The following MXI1 variants were observed in gnomAD, a reference collection of about 807,000 sequenced individuals.
MXI1 encodes max-interacting protein 1.
MXI1 carries 18 observed loss-of-function variants against 36.9 expected under a neutral mutation model. The ratio of observed to expected loss-of-function variants is 0.49; its 90% CI spans 0.34 to 0.72. The LOEUF (loss-of-function observed/expected upper bound fraction) is 0.72, where lower values mean the gene tolerates loss of function less well. Ranked by LOEUF, MXI1 falls within the 30% of genes least tolerant of loss-of-function variation. The probability of loss-of-function intolerance (pLI) is 0.01; values close to 1 mark genes in which losing one functional copy is unlikely to be tolerated. For missense variants in MXI1, 304 were observed against 379.1 expected (o/e 0.80, Z 1.64); for synonymous variants, 160 against 146.7 (o/e 1.09, Z -0.65).
rs58267076 is a variant in MXI1, at chr10:110,256,602, CAAAAAAAAAAA to C, written c.437+11762_437+11772del. Among the ~76,000 whole-genome samples, 5 of 48,848 alleles carry C rather than the reference CAAAAAAAAAAA, an allele frequency of 1.0e-4. No homozygotes were observed. In the East Asian group the frequency reaches 1.7e-3, roughly 16 times the overall value. 32.0% of individuals were successfully genotyped at this position (48,848 alleles called of 152,430 possible). A position where few individuals can be genotyped will look rare whatever the true frequency, so the allele number is the denominator to read the frequency against. On this transcript the variant is annotated intron_variant, in intron 3 of 5. Coordinates refer to ENST00000332674, the MANE Select transcript of MXI1 (RefSeq NM_130439.3). ...TAGGCAATAGAGTGAGACTCTGTCT[CAAAAAAAAAAA>C]AAAAAAAAAAAAAAAAGAAATGGCC... is the stretch of plus-strand genomic sequence containing the variant.
chr10:110,217,431 G>T (rs12256823), intron 1 of MXI1, among the ~76,000 whole-genome samples: 2 of 152,016 alleles, frequency 1.3e-5, no homozygotes, highest in East Asian at 3.8e-4. Context: ...CATGCCCAGG[G>T]CTGCTCTGGG....
chr10:110,211,632 G>C (rs1231445133), intron 1 of MXI1, among the ~76,000 whole-genome samples: 1 of 152,174 alleles, frequency 6.6e-6, no homozygotes, highest in African/African-American at 2.4e-5. Flanking sequence ...TGAGGTTTCC[G>C]TACTGGTAGT....
At chr10:110,254,923 C>T (rs1457687519) in intron 3 of MXI1, among the ~76,000 whole-genome samples, 1 of 152,126 alleles carries the variant, frequency 6.6e-6, no homozygotes, top group Non-Finnish European at 1.5e-5. Flanking sequence ...GAAGCTGTAG[C>T]AAATTATTGA....
intron 3 of MXI1, among the ~76,000 whole-genome samples, chr10:110,269,260 G>C (rs144076741): frequency 3.0e-4 from 45 of 152,210 alleles, no homozygotes; most frequent in Non-Finnish European, 5.3e-4. Flanking sequence ...ATTAATTCTT[G>C]GGCCAGATTG....
chr10:110,280,939 T>C (rs1033497774), intron 5 of MXI1, among the ~76,000 whole-genome samples: 4 of 152,188 alleles, frequency 2.6e-5, no homozygotes, highest in Non-Finnish European at 5.9e-5. Flanking sequence ...TCAGGCTTCA[T>C]ATCACATTAA....
chr10:110,235,679 C>T (rs188839405), intron 2 of MXI1, among the ~76,000 whole-genome samples: 92 of 146,200 alleles, frequency 6.3e-4, no homozygotes, highest in Admixed American at 9.2e-4. Context: ...CAGAGCAAGA[C>T]TCTGTCTCAA....
At chr10:110,272,244 T>C (rs1285786658) in intron 3 of MXI1, among the ~76,000 whole-genome samples, 1 of 152,176 alleles carries the variant, frequency 6.6e-6, no homozygotes, top group Non-Finnish European at 1.5e-5. Flanking sequence ...ATTTTTGGAT[T>C]TGGGATGCTC....
intron 1 of MXI1, among the ~76,000 whole-genome samples, chr10:110,221,549 G>C (rs185820580): frequency 6.6e-6 from 1 of 152,258 alleles, no homozygotes; most frequent in East Asian, 1.9e-4. Flanking sequence ...TTGGATCCAA[G>C]TTCATGCAAA....
chr10:110,234,975 T>C lies in MXI1; in HGVS notation c.407+6654T>C, dbSNP rs1855404921. On this transcript the variant is annotated intron_variant, in intron 2 of 5. Transcript: ENST00000332674. ...CTTAACATTTTATAAAGGTAATATA[T>C]GTATATAGTTTAAAAAGTCAATTAA... 5.3e-5 allele frequency among the ~76,000 whole-genome samples: 8 copies of C among 152,224 alleles called. No homozygotes were observed. In the South Asian group the frequency reaches 1.7e-3, roughly 31 times the overall value.
intron 3 of MXI1, among the ~76,000 whole-genome samples, chr10:110,264,240 G>T (rs1358030582): frequency 2.6e-5 from 4 of 152,166 alleles, no homozygotes; most frequent in Non-Finnish European, 4.4e-5. Flanking sequence ...AACTATTTTA[G>T]TGAGTTTCAA....
intron 2 of MXI1, among the ~76,000 whole-genome samples, chr10:110,242,649 A>C (rs1260729854): frequency 1.3e-5 from 2 of 151,996 alleles, no homozygotes; most frequent in African/African-American, 4.8e-5. Context: ...TCTGTTTGGC[A>C]GGCAGGAAGA....
intron 1 of MXI1, among the ~76,000 whole-genome samples, chr10:110,215,030 A>ATTTTT (rs1854598376): frequency 6.1e-5 from 6 of 98,908 alleles, no homozygotes; most frequent in African/African-American, 1.5e-4. Flanking sequence ...GCTCCACTTC[A>ATTTTT]GTTTTTTTTT....
intron 3 of MXI1, among the ~76,000 whole-genome samples, chr10:110,273,057 T>C (rs924065664): frequency 1.4e-5 from 2 of 147,286 alleles, no homozygotes; most frequent in Non-Finnish European, 3.0e-5. Context: ...TTTTTTTTTT[T>C]TTTTTTGTGA....
intron 1 of MXI1, among the ~76,000 whole-genome samples, chr10:110,225,649 C>G (rs1034777802): frequency 9.9e-5 from 15 of 152,162 alleles, no homozygotes; most frequent in Non-Finnish European, 1.9e-4. Flanking sequence ...CGCAGGGAGT[C>G]GCTGAGAAAC....
In MXI1 at chr10:110,230,080, T is replaced by G. The variant is rs1265018828; in HGVS notation, c.407+1759T>G. ...CTATGACTCTGATTTATTGACAGTT[T>G]TAGAGATTGGTTACTATATTAGTAA... On this transcript the variant is annotated intron_variant, in intron 2 of 5. Transcript: ENST00000332674. Among the ~76,000 whole-genome samples the G allele has an allele frequency of 2.6e-5, 4 of 152,216 alleles. No homozygotes were observed. In the East Asian group the frequency reaches 7.7e-4, roughly 29 times the overall value.
At chr10:110,223,025 T>C (rs1440789145) in intron 1 of MXI1, among the ~76,000 whole-genome samples, 1 of 152,172 alleles carries the variant, frequency 6.6e-6, no homozygotes, top group Non-Finnish European at 1.5e-5. Context: ...TCTCTCCCCT[T>C]CTTCAATGCA....
At chr10:110,268,323 CAT>C (rs1398733675) in intron 3 of MXI1, among the ~76,000 whole-genome samples, 2 of 152,238 alleles carry the variant, frequency 1.3e-5, no homozygotes, top group Admixed American at 6.5e-5. Flanking sequence ...AGGCTGGAAT[CAT>C]ATAAAATAAA....
At chr10:110,244,712 C>A in intron 2 of MXI1, 116 bp from the exon 3 acceptor site, 2 of 729,386 alleles carry the variant, frequency 2.7e-6, no homozygotes, top group South Asian at 2.1e-5. Flanking sequence ...GAAGTCTGAC[C>A]ATGTGTTGCA....
At chr10:110,217,604 A>AT (rs1198778098) in intron 1 of MXI1, among the ~76,000 whole-genome samples, 1 of 151,794 alleles carries the variant, frequency 6.6e-6, no homozygotes. Context: ...ACTTACTTTC[A>AT]TTTTTTTCTG....
Sources: gnomAD v4.1 joint callset for allele counts (sites outside exome capture counted in the v4.1 genomes callset) on GRCh38, gnomAD v4.1.1 for gene constraint, MANE v1.5 for transcripts, NCBI Gene and HGNC (gene_info 2026-07-23, HGNC 2026-07-21) for gene names.